Variants in RAB27B observed in about 807,000 individuals in gnomAD.
RAB27B encodes the protein ras-related protein Rab-27B.
RAB27B carries 15 observed loss-of-function variants against 24.6 expected under a neutral mutation model. The ratio of observed to expected loss-of-function variants is 0.61; its 90% confidence interval spans 0.41 to 0.94. RAB27B has a LOEUF of 0.94. Ranked by LOEUF, RAB27B falls within the 40% of genes least tolerant of loss-of-function variation. The pLI, the probability that RAB27B is intolerant of heterozygous loss-of-function variation, is 0.00. For missense variants in RAB27B, 261 were observed against 266.8 expected, an observed-to-expected ratio of 0.98 and a Z score of 0.15; for synonymous variants, 105 against 92.5, an observed-to-expected ratio of 1.14 and a Z score of -0.78.
chr18:54,875,464 G>A (rs11661877), intron 1 of RAB27B, among the ~76,000 whole-genome samples: 14 of 152,070 alleles, frequency 9.2e-5, no homozygotes, highest in Non-Finnish European at 1.8e-4. Context: ...TGAGACATGT[G>A]TATCCTTTTA....
chr18:54,741,501 C>CTTCTTT (rs1910069141), intron 2 of RAB27B, among the ~76,000 whole-genome samples: 1 of 151,782 alleles, frequency 6.6e-6, no homozygotes, highest in Non-Finnish European at 1.5e-5. Context: ...CTCTTTTTTT[C>CTTCTTT]TTCTTTTTTT....
intron 2 of RAB27B, among the ~76,000 whole-genome samples, chr18:54,734,056 A>G (rs1909814154): frequency 6.6e-6 from 1 of 152,198 alleles, no homozygotes; most frequent in Non-Finnish European, 1.5e-5. Flanking sequence ...AAGAAGAAAG[A>G]TAGTGGTTCC....
chr18:54,811,350 G>A (rs1909958244), intron 2 of RAB27B, among the ~76,000 whole-genome samples: 1 of 152,196 alleles, frequency 6.6e-6, no homozygotes, highest in Non-Finnish European at 1.5e-5. Flanking sequence ...TTTGGGGGAT[G>A]TGAGATATTA....
chr18:54,829,233 T>C (rs1369144694), intron 1 of RAB27B, among the ~76,000 whole-genome samples: 1 of 152,182 alleles, frequency 6.6e-6, no homozygotes, highest in East Asian at 1.9e-4. Context: ...GATCTAAGTG[T>C]TGCACCAACT....
At chr18:54,803,438 A>C (rs377062587) in intron 2 of RAB27B, among the ~76,000 whole-genome samples, 29 of 152,318 alleles carry the variant, frequency 1.9e-4, no homozygotes, top group Middle Eastern at 3.4e-3. Context: ...CTTGAGAACA[A>C]AATGAGCAGT....
intron 2 of RAB27B, among the ~76,000 whole-genome samples, chr18:54,780,351 A>C: frequency 1.8e-5 from 2 of 114,118 alleles, no homozygotes; most frequent in African/African-American, 3.5e-5. Flanking sequence ...CCCTCTCCTG[A>C]TGGTCTCCCC....
chr18:54,798,590 T>A (rs1039518341), intron 2 of RAB27B, among the ~76,000 whole-genome samples: 6 of 152,204 alleles, frequency 3.9e-5, no homozygotes, highest in African/African-American at 1.4e-4. Flanking sequence ...TGAGTCAACC[T>A]ACACTAGGGA....
chr18:54,734,264 A>G (rs1421696155), intron 2 of RAB27B, among the ~76,000 whole-genome samples: 1 of 151,982 alleles, frequency 6.6e-6, no homozygotes, highest in Non-Finnish European at 1.5e-5. Context: ...ATGATGACTC[A>G]CTCCACTGTA....
chr18:54,722,393 T>G (rs183246922), intron 2 of RAB27B, among the ~76,000 whole-genome samples: 3 of 152,174 alleles, frequency 2.0e-5, no homozygotes, highest in African/African-American at 7.2e-5. Context: ...GGTTGATGGG[T>G]GTTGATTATG....
intron 2 of RAB27B, among the ~76,000 whole-genome samples, chr18:54,730,796 C>G (rs984278635): frequency 6.6e-6 from 1 of 152,098 alleles, no homozygotes; most frequent in Non-Finnish European, 1.5e-5. Context: ...CCTCTACCTC[C>G]TACACAACCA....
chr18:54,827,323 T>C (rs1303171371), upstream of RAB27B, among the ~76,000 whole-genome samples: 1 of 152,240 alleles, frequency 6.6e-6, no homozygotes, highest in Non-Finnish European at 1.5e-5. Context: ...ACATTACTGA[T>C]ATGAAGTCAA....
intron 2 of RAB27B, among the ~76,000 whole-genome samples, chr18:54,783,747 A>T (rs186246539): frequency 8.5e-5 from 13 of 152,298 alleles, no homozygotes; most frequent in Admixed American, 7.8e-4. Flanking sequence ...CCCTCTGGGC[A>T]TAGGCTTCAT....
intron 2 of RAB27B, among the ~76,000 whole-genome samples, chr18:54,783,591 T>A (rs1188924526): frequency 2.0e-5 from 3 of 152,076 alleles, no homozygotes; most frequent in Admixed American, 2.0e-4. Context: ...ATATTACATA[T>A]GATTGTAACA....
At chr18:54,785,916 C>G (rs1012416623) in intron 2 of RAB27B, among the ~76,000 whole-genome samples, 9 of 152,074 alleles carry the variant, frequency 5.9e-5, no homozygotes, top group Non-Finnish European at 1.2e-4. Flanking sequence ...ACTATAGAGG[C>G]CCAAAAAGGG....
At chr18:54,818,537 G>A (rs1408875802) in intron 2 of RAB27B, among the ~76,000 whole-genome samples, 1 of 151,930 alleles carries the variant, frequency 6.6e-6, no homozygotes, top group African/African-American at 2.4e-5. Context: ...GGGCATATTG[G>A]CATGGGACTA....
chr18:54,749,337 C>G (rs944596859), intron 2 of RAB27B, among the ~76,000 whole-genome samples: 1 of 152,132 alleles, frequency 6.6e-6, no homozygotes, highest in Non-Finnish European at 1.5e-5. Flanking sequence ...TCAAAGCACT[C>G]GCATGCTGAA....
intron 2 of RAB27B, among the ~76,000 whole-genome samples, chr18:54,769,277 T>C (rs1041756975): frequency 6.6e-6 from 1 of 152,218 alleles, no homozygotes; most frequent in Non-Finnish European, 1.5e-5. Context: ...GGGTAATCCT[T>C]AAAGTTCCAA....
intron 2 of RAB27B, among the ~76,000 whole-genome samples, chr18:54,800,840 A>G (rs934983737): frequency 6.6e-6 from 1 of 152,008 alleles, no homozygotes; most frequent in Non-Finnish European, 1.5e-5. Context: ...GTCTGCTCTC[A>G]TGGGTGCTCA....
chr18:54,785,818 C>T (rs150595684), intron 2 of RAB27B, among the ~76,000 whole-genome samples: 25 of 152,198 alleles, frequency 1.6e-4, no homozygotes, highest in African/African-American at 5.3e-4. Flanking sequence ...TAGGGGCCAG[C>T]GACCATGGTT....
Sources: gnomAD v4.1 joint callset for allele counts (sites outside exome capture counted in the v4.1 genomes callset) on GRCh38, gnomAD v4.1.1 for gene constraint, MANE v1.5 for transcripts, NCBI Gene and HGNC (gene_info 2026-07-23, HGNC 2026-07-21) for gene names.